The following SORL1 variants were observed in gnomAD, a reference collection of about 807,000 sequenced individuals.
The protein encoded by SORL1 is sortilin-related receptor.
Under a neutral mutation model 273.7 loss-of-function variants are expected in SORL1, and 127 were observed. The observed-to-expected ratio is 0.46, with a 90% CI of 0.40 to 0.54. The LOEUF (loss-of-function observed/expected upper bound fraction) is 0.54, where lower values mean the gene tolerates loss of function less well. SORL1 is among the 20% of genes least tolerant of loss of function. The pLI is 0.00. For synonymous variants in SORL1, 1,031 were observed against 1,067.4 expected (o/e 0.97, Z 0.66); for missense variants, 2,494 against 2,846.1 (o/e 0.88, Z 2.81).
At chr11:121,523,448 C>T (rs1460170802) in intron 11 of SORL1, among the ~76,000 whole-genome samples, 1 of 152,026 alleles carries the variant, frequency 6.6e-6, no homozygotes, top group Non-Finnish European at 1.5e-5. Context: ...GTTGTATAGG[C>T]ACTTTCGTCT....
chr11:121,580,181 A>G (rs1187884939), intron 25 of SORL1, among the ~76,000 whole-genome samples: 3 of 152,204 alleles, frequency 2.0e-5, no homozygotes, highest in African/African-American at 7.2e-5. Context: ...TCGAAAGACA[A>G]CTCTGGGAAG....
chr11:121,460,464 C>T lies in SORL1; in HGVS notation c.285+7848C>T, dbSNP rs1194261321. Among the ~76,000 whole-genome samples, 4 of 144,740 alleles carry T rather than the reference C, an allele frequency of 2.8e-5. No individual in the cohort carries two copies. In the East Asian group the frequency reaches 6.1e-4, roughly 22 times the overall value. The allele number at this position is 144,740 out of a possible 152,430, so 95.0% of individuals were successfully genotyped here. ...CAGCTGGAGTGCAGTGGCTCTATCT[C>T]GGCTCACTGCAACCTCTGCCTCCCA... On this transcript the variant is annotated intron_variant, in intron 1 of 47. Transcript: ENST00000260197.
chr11:121,511,450 C>T (rs1861876149), intron 6 of SORL1, among the ~76,000 whole-genome samples: 1 of 152,190 alleles, frequency 6.6e-6, no homozygotes. Context: ...CTGACTTAAA[C>T]TAATCATCTG....
intron 11 of SORL1, among the ~76,000 whole-genome samples, chr11:121,523,782 A>T (rs904856539): frequency 6.6e-6 from 1 of 152,194 alleles, no homozygotes; most frequent in African/African-American, 2.4e-5. Flanking sequence ...GTCATCGAGC[A>T]GCCCCGCAGG....
At chr11:121,537,902 C>G (rs1455478852) in intron 12 of SORL1, among the ~76,000 whole-genome samples, 1 of 152,098 alleles carries the variant, frequency 6.6e-6, no homozygotes, top group Non-Finnish European at 1.5e-5. Flanking sequence ...ATTTAAGGAC[C>G]CTGTCATGTT....
chr11:121,479,140 G>T (rs1861331593), intron 3 of SORL1, among the ~76,000 whole-genome samples: 1 of 152,192 alleles, frequency 6.6e-6, no homozygotes, highest in African/African-American at 2.4e-5. Context: ...TTCCCAGCTG[G>T]CTGGCCCTGG....
intron 39 of SORL1, chr11:121,612,411 C>G: frequency 4.6e-6 from 1 of 219,318 alleles, no homozygotes; most frequent in Non-Finnish European, 9.3e-6. Context: ...ATTTCCATGG[C>G]CTAATTATCT....
At chr11:121,463,788 T>A (rs569645866) in intron 1 of SORL1, among the ~76,000 whole-genome samples, 164 of 152,322 alleles carry the variant, frequency 1.1e-3, no homozygotes, top group Non-Finnish European at 2.0e-3. Context: ...AAACTAGATT[T>A]CAGCTTTCCT....
intron 3 of SORL1, among the ~76,000 whole-genome samples, chr11:121,487,556 T>C (rs748639323): frequency 3.3e-5 from 5 of 152,198 alleles, no homozygotes; most frequent in Non-Finnish European, 5.9e-5. Flanking sequence ...GAAGTGATTT[T>C]AGTGCTTTTC....
intron 22 of SORL1, 122 bp from the exon 23 acceptor site, chr11:121,570,035 A>G: frequency 1.8e-6 from 1 of 551,626 alleles, no homozygotes; most frequent in Non-Finnish European, 3.2e-6. Flanking sequence ...TTCACCCGAT[A>G]TCTGGCTGAA....
Position 121,614,999 on chromosome 11 carries a change from G to A in SORL1, c.5548G>A (p.Ala1850Thr). The A allele has an allele frequency of 6.2e-7, 1 of 1,613,084 alleles. No individual in the cohort carries two copies. Among genetic ancestry groups the A allele is most frequent in the Non-Finnish European group, 8.5e-7 (1 of 1,179,670 alleles). ...GVRPPAPSLK[A>T]KAINQTAVEC... ...TCGCCCACCTGCACCTAGCCTCAAG[G>A]CCAAAGCCATCAACCAGACTGCAGT... Residue 1850 changes from alanine (A) to threonine (T), a missense_variant, in exon 41 of 48, where the codon GCC (alanine) becomes ACC (threonine). Physicochemically the swap from Ala to Thr is moderately conservative, Grantham distance 58. Transcript: ENST00000260197.
At chr11:121,478,377 GTGCTAACC>G (rs1861314782) in intron 3 of SORL1, 134 bp downstream of exon 3, 2 of 1,063,220 alleles carry the variant, frequency 1.9e-6, no homozygotes, top group Non-Finnish European at 2.6e-6. Context: ...GTGAGTTTTT[GTGCTAACC>G]TGGGCATTTG....
At chr11:121,519,601 G>A (rs2134854199) in intron 8 of SORL1, among the ~76,000 whole-genome samples, 1 of 152,230 alleles carries the variant, frequency 6.6e-6, no homozygotes, top group South Asian at 2.1e-4. Flanking sequence ...GAATCGACAG[G>A]TTCTGCTGAG....
chr11:121,575,453 TC>T (rs1444935462), intron 24 of SORL1, among the ~76,000 whole-genome samples: 1 of 152,262 alleles, frequency 6.6e-6, no homozygotes, highest in Non-Finnish European at 1.5e-5. Context: ...GTGCCCTCTC[TC>T]CCTGTCCACG....
At chr11:121,543,766 C>A in intron 13 of SORL1, 40 bp downstream of exon 13, 1 of 1,570,196 alleles carries the variant, frequency 6.4e-7, no homozygotes, top group South Asian at 1.1e-5. Context: ...CATGGATATG[C>A]GTGGACTTCC....
intron 13 of SORL1, among the ~76,000 whole-genome samples, chr11:121,544,843 C>T (rs533448993): frequency 4.9e-4 from 74 of 152,294 alleles, no homozygotes; most frequent in African/African-American, 1.7e-3. Context: ...ACCAGATGTG[C>T]CCTCACTGCC....
At chr11:121,586,699 G>GGC (rs1863118706) in intron 27 of SORL1, among the ~76,000 whole-genome samples, 1 of 10,520 alleles carries the variant, frequency 9.5e-5, no homozygotes, top group Admixed American at 6.6e-4. Flanking sequence ...AGAGTGGGGG[G>GGC]GGGGGCGGGG....
intron 32 of SORL1, among the ~76,000 whole-genome samples, chr11:121,597,668 C>T (rs185116854): frequency 7.8e-4 from 119 of 152,256 alleles, no homozygotes; most frequent in Middle Eastern, 3.4e-3. Context: ...CCATGTTGGC[C>T]AGGCTGGTCT....
intron 3 of SORL1, among the ~76,000 whole-genome samples, chr11:121,479,664 G>T (rs1222043092): frequency 6.6e-6 from 1 of 152,202 alleles, no homozygotes; most frequent in African/African-American, 2.4e-5. Flanking sequence ...ACCACGCCAT[G>T]GGAAGTGTTG....
Sources: gnomAD v4.1 joint callset for allele counts (sites outside exome capture counted in the v4.1 genomes callset) on GRCh38, gnomAD v4.1.1 for gene constraint, MANE v1.5 for transcripts, NCBI Gene and HGNC (gene_info 2026-07-23, HGNC 2026-07-21) for gene names.